Variants in ASIC2 observed in about 807,000 individuals in gnomAD.
The protein encoded by ASIC2 is acid-sensing ion channel 2.
A neutral mutation model predicts 57.3 loss-of-function variants in ASIC2; 25 were observed. The observed-to-expected ratio is 0.44, with a 90% CI of 0.32 to 0.61. The LOEUF (loss-of-function observed/expected upper bound fraction) is 0.61. Ranked by LOEUF, ASIC2 falls within the 20% of genes least tolerant of loss-of-function variation. ASIC2 has a pLI of 0.06. For synonymous variants in ASIC2, 319 were observed against 307.5 expected, an observed-to-expected ratio of 1.04 and a Z score of -0.39; for missense variants, 641 against 738.1, an observed-to-expected ratio of 0.87 and a Z score of 1.52.
chr17:33,484,788 T>C (rs1350505080), intron 1 of ASIC2, among the ~76,000 whole-genome samples: 2 of 152,174 alleles, frequency 1.3e-5, no homozygotes, highest in Admixed American at 6.5e-5. Flanking sequence ...AGTTTACCAT[T>C]GCCATGGCAA....
chr17:33,674,057 C>A (rs1353642946), intron 1 of ASIC2, among the ~76,000 whole-genome samples: 1 of 152,090 alleles, frequency 6.6e-6, no homozygotes, highest in African/African-American at 2.4e-5. Context: ...CCAAGCCCAG[C>A]TAATTTTTTT....
intron 1 of ASIC2, among the ~76,000 whole-genome samples, chr17:33,782,897 T>TCTAGCTA (rs1911499257): frequency 6.6e-6 from 1 of 152,164 alleles, no homozygotes; most frequent in African/African-American, 2.4e-5. Flanking sequence ...TCCCACTTGT[T>TCTAGCTA]CTAGCTACAG....
At chr17:33,866,429 C>T (rs897288063) in intron 1 of ASIC2, among the ~76,000 whole-genome samples, 1 of 151,978 alleles carries the variant, frequency 6.6e-6, no homozygotes, top group African/African-American at 2.4e-5. Context: ...TGTTTTCAAC[C>T]CCCCACATAT....
rs139717861 is a variant in ASIC2, at chr17:33,972,915, G to A, written c.555+183063C>T. On this transcript the variant is annotated intron_variant, in intron 1 of 9. Coordinates refer to the ASIC2 transcript ENST00000359872. ...CCTTGCCAAGCTTCCTCCCTCTCTG[G>A]GTCACAGTTTCCTTCTGTGCAAATC... Among the ~76,000 whole-genome samples the A allele has an allele frequency of 2.7e-3, 417 of 152,290 alleles. 1 individual carries two copies. The highest frequency in any genetic ancestry group is 9.5e-3 in the African/African-American group (394 of 41,572).
At chr17:33,021,339 T>C (rs1376020931) in intron 6 of ASIC2, 29 bp from the exon 7 acceptor site, 2 of 1,520,588 alleles carry the variant, frequency 1.3e-6, no homozygotes, top group Non-Finnish European at 9.1e-7. Context: ...GTACCATACA[T>C]GGTTAGAGCT....
At chr17:33,020,948 C>T (rs16574) in intron 7 of ASIC2, among the ~76,000 whole-genome samples, 1 of 152,014 alleles carries the variant, frequency 6.6e-6, no homozygotes, top group African/African-American at 2.4e-5. Context: ...CCAGAGAGAC[C>T]TTTAGGCTGA....
At chr17:34,137,873 C>T (rs185373153) in intron 1 of ASIC2, among the ~76,000 whole-genome samples, 3 of 152,094 alleles carry the variant, frequency 2.0e-5, no homozygotes, top group African/African-American at 4.8e-5. Context: ...GGCTTCACCC[C>T]CCATGACCTA....
intron 3 of ASIC2, among the ~76,000 whole-genome samples, chr17:33,046,729 A>C (rs1567725799): frequency 6.6e-6 from 1 of 152,200 alleles, no homozygotes; most frequent in Non-Finnish European, 1.5e-5. Flanking sequence ...GAGCCCCTGC[A>C]TGGGTGGCAA....
intron 1 of ASIC2, among the ~76,000 whole-genome samples, chr17:33,466,766 A>G (rs1355187359): frequency 2.0e-5 from 3 of 152,210 alleles, no homozygotes; most frequent in Non-Finnish European, 4.4e-5. Context: ...CATTTAATAA[A>G]TGGTTCTGAG....
At chr17:33,999,541 T>G (rs1174440422) in intron 1 of ASIC2, among the ~76,000 whole-genome samples, 1 of 152,180 alleles carries the variant, frequency 6.6e-6, no homozygotes, top group Non-Finnish European at 1.5e-5. Context: ...TACAGGTAGT[T>G]TACTTTTGTG....
chr17:33,371,359 G>T (rs189251474), intron 1 of ASIC2, among the ~76,000 whole-genome samples: 95 of 152,316 alleles, frequency 6.2e-4, no homozygotes, highest in Non-Finnish European at 4.9e-4. Context: ...TCTGACACAT[G>T]TATGTGCTTG....
chr17:33,686,276 T>C (rs998821890), intron 1 of ASIC2, among the ~76,000 whole-genome samples: 1 of 151,998 alleles, frequency 6.6e-6, no homozygotes, highest in Non-Finnish European at 1.5e-5. Context: ...AATCACACTG[T>C]ATTGGGGGCT....
chr17:33,796,345 A>G (rs1461752310), intron 1 of ASIC2, among the ~76,000 whole-genome samples: 1 of 152,182 alleles, frequency 6.6e-6, no homozygotes, highest in Non-Finnish European at 1.5e-5. Context: ...TCCTTGAACA[A>G]GTCATTTTGC....
chr17:33,024,656 C>T (rs2091851886), intron 5 of ASIC2, among the ~76,000 whole-genome samples: 1 of 152,204 alleles, frequency 6.6e-6, no homozygotes, highest in African/African-American at 2.4e-5. Flanking sequence ...TTGACCTTGG[C>T]CCCCATCCAT....
upstream of ASIC2, among the ~76,000 whole-genome samples, chr17:33,294,495 C>T (rs755757244): frequency 2.0e-5 from 3 of 152,006 alleles, no homozygotes; most frequent in South Asian, 2.1e-4. Flanking sequence ...CCTGAGGGCA[C>T]CCTTACAGCG....
chr17:33,880,437 C>T (rs1008959868), intron 1 of ASIC2, among the ~76,000 whole-genome samples: 6 of 152,148 alleles, frequency 3.9e-5, no homozygotes, highest in Admixed American at 3.3e-4. Context: ...CACCACTGAT[C>T]CCGCAGAAAT....
intron 1 of ASIC2, among the ~76,000 whole-genome samples, chr17:33,941,235 A>G (rs1916186018): frequency 6.6e-6 from 1 of 152,192 alleles, no homozygotes; most frequent in African/African-American, 2.4e-5. Flanking sequence ...GATGAGCAGG[A>G]AGGACACTTG....
At chr17:33,526,953 A>G (rs1013323718) in intron 1 of ASIC2, among the ~76,000 whole-genome samples, 1 of 152,220 alleles carries the variant, frequency 6.6e-6, no homozygotes, top group Non-Finnish European at 1.5e-5. Context: ...CTGAACTTGC[A>G]CATAATTGAG....
intron 1 of ASIC2, among the ~76,000 whole-genome samples, chr17:34,132,224 C>T (rs748226111): frequency 6.6e-6 from 1 of 152,128 alleles, no homozygotes; most frequent in Non-Finnish European, 1.5e-5. Flanking sequence ...CCGGTAAGTT[C>T]GTGGTGTCGC....
Sources: gnomAD v4.1 joint callset for allele counts (sites outside exome capture counted in the v4.1 genomes callset) on GRCh38, gnomAD v4.1.1 for gene constraint, MANE v1.5 for transcripts, NCBI Gene and HGNC (gene_info 2026-07-23, HGNC 2026-07-21) for gene names.